VRK2: variants seen among roughly 807,000 people sequenced by gnomAD.
VRK2 encodes the protein VRK serine/threonine kinase 2, also known as serine/threonine-protein kinase VRK2.
Under a neutral mutation model 57.6 loss-of-function variants are expected in VRK2, and 60 were observed. The ratio of observed to expected loss-of-function variants is 1.04; its 90% CI spans 0.85 to 1.29. The LOEUF (loss-of-function observed/expected upper bound fraction) is 1.29. Among genes scored for constraint, VRK2 ranks in the 50% most tolerant of loss-of-function variants. VRK2 has a pLI of 0.00. For missense variants in VRK2, 705 were observed against 588.1 expected (o/e 1.20, Z -2.06); for synonymous variants, 231 against 199.2 (o/e 1.16, Z -1.35).
intron 8 of VRK2, among the ~76,000 whole-genome samples, chr2:58,123,967 T>A (rs1677921618): frequency 6.6e-6 from 1 of 152,176 alleles, no homozygotes; most frequent in African/African-American, 2.4e-5. Flanking sequence ...TCTGAAACCA[T>A]AAAGTGTTAA....
chr2:57,987,619 C>T lies in VRK2; in HGVS notation c.-438-38046C>T, dbSNP rs530815252. Among the ~76,000 whole-genome samples the T allele has an allele frequency of 8.3e-4, 126 of 152,164 alleles. 1 individual carries two copies. Among genetic ancestry groups the T allele is most frequent in the African/African-American group, 2.9e-3 (120 of 41,530 alleles). On this transcript the variant is annotated intron_variant, in intron 1 of 15. Coordinates refer to the VRK2 transcript ENST00000417641. ...AAGTTTCTAATAAATTAAACATACA[C>T]GAACCATATGACCCAGAAATTCAGC...
At chr2:58,041,476 A>C (rs1674453078) in intron 3 of VRK2, among the ~76,000 whole-genome samples, 1 of 152,152 alleles carries the variant, frequency 6.6e-6, no homozygotes, top group Non-Finnish European at 1.5e-5. Flanking sequence ...ACCAGCATTA[A>C]TATTAAAGCA....
chr2:58,143,844 G>C (rs1681700211), intron 11 of VRK2, among the ~76,000 whole-genome samples: 1 of 151,778 alleles, frequency 6.6e-6, no homozygotes. Flanking sequence ...GTCAATGGGT[G>C]AATGGATAAA....
chr2:58,058,460 G>A (rs1044741214), intron 2 of VRK2: 2 of 468,872 alleles, frequency 4.3e-6, no homozygotes, highest in African/African-American at 2.0e-5. Context: ...TGTGAAAGAG[G>A]CGCATAGAGA....
intron 7 of VRK2, among the ~76,000 whole-genome samples, chr2:58,112,318 C>T (rs1675688277): frequency 6.6e-6 from 1 of 152,038 alleles, no homozygotes; most frequent in African/African-American, 2.4e-5. Flanking sequence ...GGTACTTTGC[C>T]CAGTGATTAT....
At chr2:57,920,800 A>G (rs1670316637) in intron 1 of VRK2, among the ~76,000 whole-genome samples, 1 of 152,106 alleles carries the variant, frequency 6.6e-6, no homozygotes, top group Non-Finnish European at 1.5e-5. Flanking sequence ...GTGGCAATAG[A>G]TGAAAAGGAA....
At chr2:58,006,442 T>C (rs574005971) in intron 1 of VRK2, among the ~76,000 whole-genome samples, 1 of 152,310 alleles carries the variant, frequency 6.6e-6, no homozygotes, top group South Asian at 2.1e-4. Flanking sequence ...ATTTACCATT[T>C]AAGATCCATT....
chr2:58,009,014 C>A (rs763772040), intron 1 of VRK2, among the ~76,000 whole-genome samples: 35 of 152,108 alleles, frequency 2.3e-4, no homozygotes, highest in Non-Finnish European at 4.4e-4. Flanking sequence ...CCTCTGCCAA[C>A]CCCTTTAATA....
chr2:58,091,031 T>C (rs1053784243), intron 7 of VRK2, among the ~76,000 whole-genome samples: 1 of 152,150 alleles, frequency 6.6e-6, no homozygotes, highest in Non-Finnish European at 1.5e-5. Context: ...AAAAGATCAA[T>C]TTTTTACTAT....
At position 57,948,936 on chromosome 2, in the gene VRK2, G is replaced by T. The variant is rs369868876; in HGVS notation, c.-439+41097G>T. Reference sequence around the variant, plus strand: ...TGATGAAGTAAACTGCAGTAGAAAGGAACACTAAGGTAAAGCTAGAAAAGG... The same window carrying T: ...TGATGAAGTAAACTGCAGTAGAAAGTAACACTAAGGTAAAGCTAGAAAAGG... On this transcript the variant is annotated intron_variant, in intron 1 of 15. Transcript: ENST00000417641. Among the ~76,000 whole-genome samples the T allele has an allele frequency of 3.4e-4, 51 of 152,174 alleles. 1 individual carries two copies. In the South Asian group the frequency reaches 9.8e-3, roughly 29 times the overall value.
chr2:58,078,610 A>G (rs553607718), intron 2 of VRK2, among the ~76,000 whole-genome samples: 32 of 152,250 alleles, frequency 2.1e-4, no homozygotes, highest in African/African-American at 7.5e-4. Flanking sequence ...TTATGATCCC[A>G]TCAACGGTGC....
intron 7 of VRK2, among the ~76,000 whole-genome samples, chr2:58,101,409 A>G (rs1378965242): frequency 6.6e-6 from 1 of 151,694 alleles, no homozygotes; most frequent in Non-Finnish European, 1.5e-5. Flanking sequence ...CATCTCCAAA[A>G]ACTAAGGACA....
chr2:58,156,166 C>A (rs1573450439), intron 12 of VRK2, among the ~76,000 whole-genome samples: 1 of 152,108 alleles, frequency 6.6e-6, no homozygotes, highest in Non-Finnish European at 1.5e-5. Flanking sequence ...TTGAAAGCTT[C>A]ATTGAATATG....
At chr2:58,113,789 T>G (rs1675957634) in intron 7 of VRK2, among the ~76,000 whole-genome samples, 1 of 152,200 alleles carries the variant, frequency 6.6e-6, no homozygotes. Flanking sequence ...CTTCAGTTAC[T>G]TAGGCCATCT....
intron 1 of VRK2, among the ~76,000 whole-genome samples, chr2:57,925,530 G>C (rs1373088105): frequency 6.6e-6 from 1 of 151,662 alleles, no homozygotes. Flanking sequence ...AATTTCTGTG[G>C]TATTTGTTGA....
At chr2:58,055,990 A>G (rs1676457541) in intron 2 of VRK2, among the ~76,000 whole-genome samples, 1 of 152,176 alleles carries the variant, frequency 6.6e-6, no homozygotes, top group African/African-American at 2.4e-5. Context: ...TATCATGTAT[A>G]TAAACTTTGC....
At chr2:57,935,114 T>C (rs1670863533) in intron 1 of VRK2, among the ~76,000 whole-genome samples, 1 of 152,226 alleles carries the variant, frequency 6.6e-6, no homozygotes, top group East Asian at 1.9e-4. Flanking sequence ...TGGGGATTTC[T>C]TTGGGGGTCT....
chr2:57,969,941 A>AC (rs1440864695), intron 1 of VRK2, among the ~76,000 whole-genome samples: 2 of 151,758 alleles, frequency 1.3e-5, no homozygotes, highest in African/African-American at 4.8e-5. Context: ...CTTGGTATGG[A>AC]CGTGTTTCAG....
chr2:58,017,672 T>G, intron 1 of VRK2, among the ~76,000 whole-genome samples: 1 of 152,210 alleles, frequency 6.6e-6, no homozygotes, highest in East Asian at 1.9e-4. Context: ...CTCCTATTTT[T>G]CTTTTTTATG....
Sources: gnomAD v4.1 joint callset for allele counts (sites outside exome capture counted in the v4.1 genomes callset) on GRCh38, gnomAD v4.1.1 for gene constraint, MANE v1.5 for transcripts, NCBI Gene and HGNC (gene_info 2026-07-23, HGNC 2026-07-21) for gene names.